The following CIITA variants were observed in gnomAD, a reference collection of about 807,000 sequenced individuals.
CIITA encodes the protein MHC class II transactivator.
CIITA carries 72 observed loss-of-function variants against 115.1 expected under a neutral mutation model. The observed-to-expected ratio is 0.63, with a 90% confidence interval of 0.52 to 0.76. The LOEUF (loss-of-function observed/expected upper bound fraction) is 0.76, where lower values mean the gene tolerates loss of function less well. CIITA is among the 30% of genes least tolerant of loss of function. The pLI, the probability that CIITA is intolerant of heterozygous loss-of-function variation, is 0.00. For missense variants in CIITA, 1,617 were observed against 1,463.8 expected (o/e 1.10, Z -1.71); for synonymous variants, 763 against 635.6 (o/e 1.20, Z -3.02).
At position 10,902,097 on chromosome 16, in the gene CIITA, A is replaced by G. The variant is rs750040822; in HGVS notation, c.541A>G (p.Thr181Ala). ...AGTGGGACCAGTGAGCGACTGCTCC[A>G]CCCTGCCCTGCCTGCCACTGCCTGC... is the stretch of plus-strand genomic sequence containing the variant. ...LLVGPVSDCSTLPCLPLPALF... is the reference protein window; with the variant it reads ...LLVGPVSDCSALPCLPLPALF... The change falls in exon 7 of 20, where the codon ACC becomes GCC. Residue 181 changes from threonine to alanine, a missense_variant. Transcript: ENST00000324288. The G allele has an allele frequency of 8.1e-6, 13 of 1,612,036 alleles. No homozygotes were observed. Among genetic ancestry groups the G allele is most frequent in the Non-Finnish European group, 1.1e-5 (13 of 1,179,382 alleles).
At chr16:10,919,025 T>G (rs2040123551) in intron 16 of CIITA, among the ~76,000 whole-genome samples, 1 of 152,104 alleles carries the variant, frequency 6.6e-6, no homozygotes, top group Non-Finnish European at 1.5e-5. Context: ...GGACTGAGCT[T>G]GGACCAGAGC....
intron 15 of CIITA, 24 bp downstream of exon 15, chr16:10,916,483 C>T: frequency 6.3e-7 from 1 of 1,595,662 alleles, no homozygotes; most frequent in Non-Finnish European, 8.6e-7. Flanking sequence ...GCCTGCCCTT[C>T]CTGCTGAATC....
chr16:10,904,975 T>A (rs1176165874), intron 10 of CIITA, among the ~76,000 whole-genome samples, 163 bp downstream of exon 10: 1 of 152,240 alleles, frequency 6.6e-6, no homozygotes, highest in African/African-American at 2.4e-5. Context: ...GATTATGCCA[T>A]CATTTCACCA....
chr16:10,872,112 G>A (rs1278802752), intron 1 of CIITA, among the ~76,000 whole-genome samples: 1 of 151,664 alleles, frequency 6.6e-6, no homozygotes, highest in Non-Finnish European at 1.5e-5. Context: ...TTCTCACCCT[G>A]TCTTTTTTTT....
At chr16:10,906,451 C>T (rs1287384772) in intron 10 of CIITA, 48 bp from the exon 11 acceptor site, 1 of 1,600,140 alleles carries the variant, frequency 6.2e-7, no homozygotes, top group Non-Finnish European at 8.5e-7. Context: ...CTGGCCCTGG[C>T]CCTGCCTCTC....
downstream of CIITA, chr16:10,940,061 C>G (rs1002778674): frequency 6.6e-6 from 1 of 152,260 alleles, no homozygotes; most frequent in Non-Finnish European, 1.5e-5. This position sits in a 1 kb window ranked among gnomAD's most constrained non-coding sequence, Gnocchi z 4.2. Flanking sequence ...CTGAGCTCAA[C>G]TGAAGCTTTT....
At chr16:10,916,686 C>T (rs1314983703) in intron 15 of CIITA, 2 of 568,814 alleles carry the variant, frequency 3.5e-6, no homozygotes, top group East Asian at 3.0e-5. Context: ...TTACCATGCC[C>T]AGCCCCAGTG....
intron 1 of CIITA, chr16:10,888,680 C>T (rs1328935351): frequency 6.6e-6 from 1 of 152,218 alleles, no homozygotes; most frequent in Admixed American, 6.5e-5. Flanking sequence ...GGTGGTGGCC[C>T]AGGGGGAAGC....
At chr16:10,886,858 G>A (rs1220896388) in intron 1 of CIITA, among the ~76,000 whole-genome samples, 1 of 152,182 alleles carries the variant, frequency 6.6e-6, no homozygotes, top group Non-Finnish European at 1.5e-5. Flanking sequence ...CCCAGAGCCT[G>A]CACCCTTAAC....
chr16:10,895,146 A>C, intron 1 of CIITA, 136 bp from the exon 2 acceptor site: 1 of 961,858 alleles, frequency 1.0e-6, no homozygotes, highest in Non-Finnish European at 1.6e-6. Context: ...CGCTGAGCAT[A>C]TAAGAGGTGC....
intron 16 of CIITA, 60 bp downstream of exon 16, chr16:10,918,586 AC>A: frequency 1.4e-6 from 2 of 1,465,788 alleles, no homozygotes; most frequent in Non-Finnish European, 1.9e-6. Context: ...AGCGCAGGGA[AC>A]CCACATCGTG....
In CIITA at chr16:10,930,275, A is replaced by G. The variant is rs1452826596; in HGVS notation, c.*6420A>G. 6.6e-6 allele frequency: 1 copy of G among 152,258 alleles called. No homozygotes were observed. The allele number at this position is 152,258 out of a possible 1,614,324, so 9.4% of individuals were successfully genotyped here. On this transcript the variant is annotated 3_prime_UTR_variant, in exon 20 of 20. Coordinates refer to ENST00000324288, the MANE Select transcript of CIITA (RefSeq NM_000246.4). The stretch of plus-strand genomic sequence containing the variant: ...TCACTGAACATCTCGCAGAACTTGT[A>G]TGTTAAACATGTGACATGTATTGTT...
In CIITA at chr16:10,906,929, G is replaced by C. The variant is rs779022639; in HGVS notation, c.1437G>C (p.Ala479=). 15 of 1,613,316 alleles carry C rather than the reference G, an allele frequency of 9.3e-6. No homozygotes were observed. The highest frequency in any genetic ancestry group is 1.3e-5 in the Non-Finnish European group (15 of 1,180,024). ...CCCTGGGCCCACAGCCACTCGTGGC[G>C]GCCGATGAGGTTTTCAGCCACATCT... ...LFSLGPQPLV[A]ADEVFSHILK... is the part of the protein sequence containing the mutation. Residue 479 remains alanine (A), a synonymous_variant, in exon 11 of 20, where the codon GCG becomes GCC. Coordinates refer to ENST00000324288, the MANE Select transcript of CIITA (RefSeq NM_000246.4).
chr16:10,878,439 C>T (rs536202879), intron 1 of CIITA, among the ~76,000 whole-genome samples: 1 of 152,286 alleles, frequency 6.6e-6, no homozygotes, highest in East Asian at 1.9e-4. Context: ...CTGAAAAGGA[C>T]CGGCAGGGCT....
chr16:10,899,779 G>A (rs2038521135), intron 5 of CIITA, among the ~76,000 whole-genome samples: 1 of 152,128 alleles, frequency 6.6e-6, no homozygotes, highest in Admixed American at 6.5e-5. Context: ...TTTTAAAAGT[G>A]CAAAGAATAT....
At chr16:10,881,561 T>C (rs1244357273) in intron 1 of CIITA, among the ~76,000 whole-genome samples, 1 of 152,250 alleles carries the variant, frequency 6.6e-6, no homozygotes, top group East Asian at 1.9e-4. Context: ...GAAGCTGAGA[T>C]TATTTTAGTA....
At chr16:10,883,675 G>T (rs1483073826) in intron 1 of CIITA, among the ~76,000 whole-genome samples, 4 of 152,180 alleles carry the variant, frequency 2.6e-5, no homozygotes, top group Non-Finnish European at 5.9e-5. Flanking sequence ...GAAGTAAGTT[G>T]TCTCAGGTCA....
rs1270793098 is a variant in CIITA, at chr16:10,928,214, A to T, written c.*4359A>T. The T allele has an allele frequency of 6.6e-6, 1 of 152,184 alleles. No homozygotes were observed. The highest frequency in any genetic ancestry group is 2.4e-5 in the African/African-American group (1 of 41,438). The allele number at this position is 152,184 out of a possible 1,614,324, so 9.4% of individuals were successfully genotyped here. A position where few individuals can be genotyped will look rare whatever the true frequency, so the allele number is the denominator to read the frequency against. On this transcript the variant is annotated 3_prime_UTR_variant, in exon 20 of 20. Coordinates refer to ENST00000324288, the MANE Select transcript of CIITA (RefSeq NM_000246.4). Reference sequence around the variant, plus strand: ...TTGAACCCTGCTTCACTTGGTGTGTATGTGAAGGTGCTTTGAAATCAAGTG... The same window carrying T: ...TTGAACCCTGCTTCACTTGGTGTGTTTGTGAAGGTGCTTTGAAATCAAGTG...
rs910260784 is a variant in CIITA, at chr16:10,879,414, C to T, written c.52+2032C>T. ...CCGGGATCCTGCAGAGGTGCGCGCC[C>T]TTCTTGTACGCCAGACTTTGGACCA... On this transcript the variant is annotated intron_variant, in intron 1 of 19. Transcript: ENST00000324288. This position sits in a 1 kb window ranked among gnomAD's most constrained non-coding sequence, Gnocchi z 4.3. 3.9e-5 allele frequency among the ~76,000 whole-genome samples: 6 copies of T among 152,200 alleles called. No individual in the cohort carries two copies. The highest frequency in any genetic ancestry group is 7.4e-5 in the Non-Finnish European group (5 of 68,024).
Sources: gnomAD v4.1 joint callset for allele counts (sites outside exome capture counted in the v4.1 genomes callset) on GRCh38, gnomAD v4.1.1 for gene constraint, Gnocchi (gnomAD v3.1) non-coding constraint, MANE v1.5 for transcripts, NCBI Gene and HGNC (gene_info 2026-07-23, HGNC 2026-07-21) for gene names.